The following MPRIP variants were observed in gnomAD, a reference collection of about 807,000 sequenced individuals.
The protein encoded by MPRIP is myosin phosphatase Rho interacting protein.
Under a neutral mutation model 234.9 loss-of-function variants are expected in MPRIP, and 59 were observed. The observed-to-expected ratio is 0.25, with a 90% CI of 0.20 to 0.31. MPRIP has a LOEUF of 0.31. Ranked by LOEUF, MPRIP falls within the 10% of genes least tolerant of loss-of-function variation. The pLI is 1.00. For synonymous variants in MPRIP, 1,144 were observed against 1,263.9 expected (o/e 0.91, Z 2.01); for missense variants, 2,436 against 3,071.0 (o/e 0.79, Z 4.89).
intron 1 of MPRIP, among the ~76,000 whole-genome samples, chr17:17,052,871 T>C (rs1191489008): frequency 6.6e-6 from 1 of 152,234 alleles, no homozygotes; most frequent in Non-Finnish European, 1.5e-5. Flanking sequence ...CTGTAGGTTC[T>C]GAGGCACTGG....
intron 3 of MPRIP, among the ~76,000 whole-genome samples, chr17:17,092,373 T>C (rs2089739464): frequency 6.6e-6 from 1 of 152,204 alleles, no homozygotes; most frequent in Non-Finnish European, 1.5e-5. Flanking sequence ...TTTGGTCATC[T>C]GCTTGACTTG....
In MPRIP at chr17:17,126,850, G is replaced by A. The variant is rs755141486; in HGVS notation, c.416G>A (p.Ser139Asn). 1 of 1,613,428 alleles carries A rather than the reference G, an allele frequency of 6.2e-7. No homozygotes were observed. Among genetic ancestry groups the A allele is most frequent in the South Asian group, 1.1e-5 (1 of 90,958 alleles). Residue 139 changes from serine (S) to asparagine (N), a missense_variant, in exon 4 of 24, where the codon AGT (serine) becomes AAT (asparagine). By Grantham distance (46) the Ser-to-Asn change is conservative. Coordinates refer to ENST00000651222, the MANE Select transcript of MPRIP (RefSeq NM_001364716.4). ...FIRAETKEIV[S>N]GWLEMLMVYP... The stretch of plus-strand genomic sequence containing the variant: ...CGGGCGGAGACCAAGGAGATCGTCA[G>A]TGGGTGAGTATGCTGGCACTGTGGA...
intron 1 of MPRIP, chr17:17,058,082 A>G: frequency 4.1e-6 from 1 of 246,132 alleles, no homozygotes; most frequent in Non-Finnish European, 7.9e-6. Context: ...CCAGATGGGT[A>G]GCTCAGGCAT....
chr17:17,102,500 T>C (rs572968395), intron 3 of MPRIP, among the ~76,000 whole-genome samples: 6 of 152,228 alleles, frequency 3.9e-5, no homozygotes, highest in Non-Finnish European at 7.3e-5. Flanking sequence ...TCAGGGCACG[T>C]GTGGAGTGTG....
chr17:17,102,489 G>A (rs1197741451), intron 3 of MPRIP, among the ~76,000 whole-genome samples: 3 of 152,232 alleles, frequency 2.0e-5, no homozygotes, highest in African/African-American at 7.2e-5. Context: ...GCAGGTGATC[G>A]TCAGGGCACG....
At chr17:17,083,004 A>G (rs1404946486) in intron 3 of MPRIP, among the ~76,000 whole-genome samples, 1 of 152,128 alleles carries the variant, frequency 6.6e-6, no homozygotes, top group Non-Finnish European at 1.5e-5. Flanking sequence ...CCTCTCACAC[A>G]TGGAAGCCAT....
chr17:17,129,301 C>T (rs1404986245), intron 4 of MPRIP, among the ~76,000 whole-genome samples: 1 of 152,164 alleles, frequency 6.6e-6, no homozygotes, highest in African/African-American at 2.4e-5. Context: ...CTCCCCTGTT[C>T]TCACTCATCC....
In MPRIP at chr17:17,165,310, A is replaced by T; in HGVS notation, c.3719A>T (p.Asp1240Val). Residue 1240 changes from aspartate to valine, a missense_variant, in exon 16 of 24, where the codon GAT becomes GTT. Asp to Val is a radical substitution (Grantham distance 152). Around this residue, in one of 4 missense-constraint regions of MPRIP, gnomAD observed 1,998 missense variants for 2,520.3 expected, o/e 0.79. Transcript: ENST00000651222. ...AGTACCCCTGAAGAGACAGAAAGGGATGGCACTTTGCTCCCAGGCCAACCA... is the reference window on the plus strand; with the variant it reads ...AGTACCCCTGAAGAGACAGAAAGGGTTGGCACTTTGCTCCCAGGCCAACCA... ...PRSTPEETERDGTLLPGQPVQ... is the reference protein window; with the variant it reads ...PRSTPEETERVGTLLPGQPVQ... The T allele has an allele frequency of 7.7e-7, 1 of 1,304,062 alleles. No individual in the cohort carries two copies. Among genetic ancestry groups the T allele is most frequent in the Non-Finnish European group, 1.0e-6 (1 of 988,962 alleles). 80.8% of individuals were successfully genotyped at this position (1,304,062 alleles called of 1,614,324 possible). A position where few individuals can be genotyped will look rare whatever the true frequency, so the allele number is the denominator to read the frequency against.
chr17:17,127,732 G>A (rs1033745898), intron 4 of MPRIP, among the ~76,000 whole-genome samples: 3 of 152,246 alleles, frequency 2.0e-5, no homozygotes, highest in African/African-American at 7.2e-5. Context: ...CAGGCTGACT[G>A]TAGCAGTACA....
intron 1 of MPRIP, among the ~76,000 whole-genome samples, chr17:17,057,278 C>T (rs2088728846): frequency 6.6e-6 from 1 of 152,262 alleles, no homozygotes; most frequent in East Asian, 1.9e-4. Flanking sequence ...GAGTCGCACA[C>T]ATGAAATGCC....
At chr17:17,071,725 CGGG>C (rs1224284311) in intron 1 of MPRIP, among the ~76,000 whole-genome samples, 2 of 152,080 alleles carry the variant, frequency 1.3e-5, no homozygotes, top group African/African-American at 4.8e-5. Flanking sequence ...GGAGGTAGCT[CGGG>C]GGAGTCTCTC....
intron 3 of MPRIP, among the ~76,000 whole-genome samples, chr17:17,113,626 C>T (rs138169792): frequency 4.6e-5 from 7 of 152,262 alleles, no homozygotes; most frequent in African/African-American, 1.4e-4. Context: ...AATATCTGTT[C>T]GAGTCCCTGT....
intron 16 of MPRIP, chr17:17,168,441 T>A (rs1405213607): frequency 3.9e-6 from 1 of 258,006 alleles, no homozygotes; most frequent in African/African-American, 2.2e-5. Flanking sequence ...GAACTGGCAT[T>A]TGATGTGTGC....
chr17:17,176,310 G>A (rs917067254), intron 20 of MPRIP, 116 bp from the exon 21 acceptor site: 13 of 758,110 alleles, frequency 1.7e-5, no homozygotes, highest in Non-Finnish European at 3.0e-5. Flanking sequence ...TGGGCACCAC[G>A]AGGCTGCCCT....
chr17:17,118,324 T>C (rs993388716), intron 3 of MPRIP, among the ~76,000 whole-genome samples: 6 of 152,228 alleles, frequency 3.9e-5, no homozygotes, highest in Admixed American at 2.0e-4. Context: ...CATCCAACTC[T>C]TGGCCCAAAG....
intron 13 of MPRIP, 39 bp from the exon 14 acceptor site, chr17:17,158,393 C>T: frequency 6.6e-7 from 1 of 1,507,728 alleles, no homozygotes; most frequent in Non-Finnish European, 8.9e-7. Context: ...CACACCAGAG[C>T]CGCCCCTGAC....
chr17:17,056,277 C>T (rs1014114224), intron 1 of MPRIP, among the ~76,000 whole-genome samples: 3 of 152,210 alleles, frequency 2.0e-5, no homozygotes, highest in South Asian at 2.1e-4. Flanking sequence ...CTCTTCCCTG[C>T]GAAGACGTTG....
intron 12 of MPRIP, among the ~76,000 whole-genome samples, chr17:17,151,900 T>C (rs915735435): frequency 6.6e-6 from 1 of 152,258 alleles, no homozygotes; most frequent in African/African-American, 2.4e-5. Flanking sequence ...CACACAAGGC[T>C]AGACTCTGGT....
At chr17:17,067,419 C>T (rs911526087) in intron 1 of MPRIP, among the ~76,000 whole-genome samples, 4 of 152,268 alleles carry the variant, frequency 2.6e-5, no homozygotes, top group East Asian at 3.9e-4. Flanking sequence ...GACTAAGGGG[C>T]AGGTAGAGTA....
Sources: allele counts gnomAD v4.1 joint callset (sites outside exome capture counted in the v4.1 genomes callset), GRCh38; gene constraint gnomAD v4.1.1; regional missense constraint gnomAD v4.1.1; transcripts MANE v1.5; gene names NCBI Gene and HGNC (gene_info 2026-07-23, HGNC 2026-07-21).